MOSPD1: variants seen among roughly 807,000 people sequenced by gnomAD.
MOSPD1 encodes the protein motile sperm domain containing 1.
A neutral mutation model predicts 16.7 loss-of-function variants in MOSPD1; 5 were observed. That is an observed-to-expected ratio of 0.30 (90% confidence interval 0.16 to 0.63). The LOEUF (loss-of-function observed/expected upper bound fraction) is 0.63, where lower values mean the gene tolerates loss of function less well. Among genes scored for constraint, MOSPD1 ranks in the 30% least tolerant of loss-of-function variants. MOSPD1 has a pLI of 0.82. For missense variants in MOSPD1, 104 were observed against 153.6 expected (o/e 0.68, Z 1.71); for synonymous variants, 67 against 59.2 (o/e 1.13, Z -0.61).
chrX:134,911,277 A>T (rs1042723242), intron 1 of MOSPD1, among the ~76,000 whole-genome samples: 3 of 112,224 alleles, frequency 2.7e-5, no homozygotes, highest in African/African-American at 6.5e-5. Context: ...ATAAAAAATT[A>T]AAAAACTGTT....
intron 1 of MOSPD1, among the ~76,000 whole-genome samples, chrX:134,905,251 C>T (rs2082935763): frequency 9.2e-6 from 1 of 108,424 alleles, no homozygotes; most frequent in South Asian, 4.1e-4. Flanking sequence ...CGCCTGTAGT[C>T]CCAGCTACTC....
At chrX:134,892,422 TGGA>T (rs1316806765) in intron 4 of MOSPD1, among the ~76,000 whole-genome samples, 2 of 111,605 alleles carry the variant, frequency 1.8e-5, no homozygotes, top group East Asian at 2.8e-4. Flanking sequence ...TGCCAGGGGC[TGGA>T]GGAGGAGGAT....
At chrX:134,896,345 T>C (rs1470437961) in intron 4 of MOSPD1, among the ~76,000 whole-genome samples, 2 of 108,491 alleles carry the variant, frequency 1.8e-5, no homozygotes, top group Non-Finnish European at 3.8e-5. Context: ...ACTTCAACTT[T>C]AATGAGATTT....
chrX:134,911,598 C>T (rs1258739927), intron 1 of MOSPD1, among the ~76,000 whole-genome samples: 1 of 112,263 alleles, frequency 8.9e-6, no homozygotes, highest in Non-Finnish European at 1.9e-5. Context: ...GTCTTCTGGT[C>T]TGTTTGGCAG....
chrX:134,894,536 T>TA (rs2082876893), intron 4 of MOSPD1, among the ~76,000 whole-genome samples: 1 of 112,044 alleles, frequency 8.9e-6, no homozygotes, highest in Non-Finnish European at 1.9e-5. Flanking sequence ...CATAAATTCC[T>TA]GTAAATTTAA....
chrX:134,890,599 G>A lies in MOSPD1; in HGVS notation c.610+880C>T, dbSNP rs764315266. Among the ~76,000 whole-genome samples the A allele has an allele frequency of 1.0e-3, 112 of 110,473 alleles. 1 individual carries two copies. Among genetic ancestry groups the A allele is most frequent in the African/African-American group, 3.4e-3 (102 of 30,380 alleles). On this transcript the variant is annotated intron_variant, in intron 5 of 5. Coordinates refer to ENST00000370783, the MANE Select transcript of MOSPD1 (RefSeq NM_019556.3). Reference sequence around the variant, plus strand: ...TGAGTTGGGCGGATCACCTGAGGTCGGGAGTTCGAGACCACCCTGACCAAC... The same window carrying A: ...TGAGTTGGGCGGATCACCTGAGGTCAGGAGTTCGAGACCACCCTGACCAAC...
At chrX:134,914,737 A>G (rs1015448403) in intron 1 of MOSPD1, among the ~76,000 whole-genome samples, 3 of 112,582 alleles carry the variant, frequency 2.7e-5, no homozygotes, top group African/African-American at 9.7e-5. Flanking sequence ...GCAACCGGCT[A>G]GGCTGGAGGA....
At chrX:134,902,563 T>C (rs1231315663) in intron 1 of MOSPD1, among the ~76,000 whole-genome samples, 1 of 109,944 alleles carries the variant, frequency 9.1e-6, no homozygotes, top group Non-Finnish European at 1.9e-5. Context: ...GAATCCAAGG[T>C]GGGAGGATTT....
At chrX:134,910,824 C>T (rs1040748015) in intron 1 of MOSPD1, among the ~76,000 whole-genome samples, 1 of 111,891 alleles carries the variant, frequency 8.9e-6, no homozygotes, top group Non-Finnish European at 1.9e-5. Flanking sequence ...ATTTTGTGAA[C>T]GTTTGGGGGT....
chrX:134,889,080 T>A lies in MOSPD1; in HGVS notation c.*81A>T, dbSNP rs1048779711. The A allele has an allele frequency of 1.5e-6, 1 of 653,903 alleles. No individual in the cohort carries two copies. The allele number at this position is 653,903 out of a possible 1,213,427, so 53.9% of individuals were successfully genotyped here. On this transcript the variant is annotated 3_prime_UTR_variant, in exon 6 of 6. Coordinates refer to ENST00000370783, the MANE Select transcript of MOSPD1 (RefSeq NM_019556.3). ...CATTCAATAGTTTGTTGCATGTTAATGGAGTGAAATAGAGATAAAAGGCAG... is the reference window on the plus strand; with the variant it reads ...CATTCAATAGTTTGTTGCATGTTAAAGGAGTGAAATAGAGATAAAAGGCAG...
intron 1 of MOSPD1, among the ~76,000 whole-genome samples, chrX:134,906,969 C>T (rs187678497): frequency 8.1e-4 from 91 of 111,808 alleles, no homozygotes; most frequent in African/African-American, 2.7e-3. Flanking sequence ...TGGCTCACGC[C>T]TGTAATCCTA....
At chrX:134,902,301 G>C (rs929366670) in intron 1 of MOSPD1, among the ~76,000 whole-genome samples, 2 of 109,831 alleles carry the variant, frequency 1.8e-5, no homozygotes, top group African/African-American at 6.6e-5. Flanking sequence ...CAGCTACTCG[G>C]GAGGCTAAGG....
chrX:134,910,395 ACT>A (rs2082964975), intron 1 of MOSPD1, among the ~76,000 whole-genome samples: 2 of 108,699 alleles, frequency 1.8e-5, no homozygotes, highest in Admixed American at 2.0e-4. Context: ...ACAGAGCGAG[ACT>A]CTGTCTCAAA....
intron 3 of MOSPD1, among the ~76,000 whole-genome samples, chrX:134,898,034 A>AT (rs775985153): frequency 3.6e-3 from 373 of 104,212 alleles, no homozygotes; most frequent in Middle Eastern, 0.015. Flanking sequence ...ACGCCCAGCT[A>AT]TTTTTTTTTT....
chrX:134,913,855 C>T (rs1413455381), intron 1 of MOSPD1, among the ~76,000 whole-genome samples: 1 of 111,891 alleles, frequency 8.9e-6, no homozygotes, highest in Non-Finnish European at 1.9e-5. Context: ...ATCTCGCATC[C>T]TGATTGGGTA....
chrX:134,910,671 G>A (rs1478228862), intron 1 of MOSPD1, among the ~76,000 whole-genome samples: 1 of 112,067 alleles, frequency 8.9e-6, no homozygotes, highest in African/African-American at 3.2e-5. Flanking sequence ...TGGAGGGCCG[G>A]GTGAATTCCA....
chrX:134,908,014 A>G (rs2082952002), intron 1 of MOSPD1, among the ~76,000 whole-genome samples: 2 of 111,442 alleles, frequency 1.8e-5, no homozygotes, highest in Admixed American at 1.9e-4. Context: ...CTGAAGCAAT[A>G]CTCCCACCTT....
intron 1 of MOSPD1, among the ~76,000 whole-genome samples, chrX:134,903,279 T>G (rs1337322526): frequency 8.9e-6 from 1 of 111,871 alleles, no homozygotes; most frequent in African/African-American, 3.2e-5. Flanking sequence ...ATAAAAGTTT[T>G]TTTTAAAAAG....
chrX:134,910,470 T>C (rs759408032), intron 1 of MOSPD1, among the ~76,000 whole-genome samples: 1 of 111,203 alleles, frequency 9.0e-6, no homozygotes, highest in Admixed American at 9.6e-5. Context: ...TACAAGGCAC[T>C]GTGCTAGGGA....
Sources: gnomAD v4.1 joint callset for allele counts (sites outside exome capture counted in the v4.1 genomes callset) on GRCh38, gnomAD v4.1.1 for gene constraint, MANE v1.5 for transcripts, NCBI Gene and HGNC (gene_info 2026-07-23, HGNC 2026-07-21) for gene names.